NTRK2: variants seen among roughly 807,000 people sequenced by gnomAD.
The protein encoded by NTRK2 is BDNF/NT-3 growth factors receptor.
A neutral mutation model predicts 94.5 loss-of-function variants in NTRK2; 13 were observed. The observed-to-expected ratio is 0.14, with a 90% CI of 0.09 to 0.22. The LOEUF (loss-of-function observed/expected upper bound fraction) is 0.22, where lower values mean the gene tolerates loss of function less well. Among genes scored for constraint, NTRK2 ranks in the 10% least tolerant of loss-of-function variants. The pLI, the probability that NTRK2 is intolerant of heterozygous loss-of-function variation, is 1.00. For synonymous variants in NTRK2, 372 were observed against 407.4 expected, an observed-to-expected ratio of 0.91 and a Z score of 1.05; for missense variants, 639 against 1,071.2, an observed-to-expected ratio of 0.60 and a Z score of 5.63.
chr9:84,802,291 C>T (rs987886920), intron 12 of NTRK2, among the ~76,000 whole-genome samples: 2 of 152,106 alleles, frequency 1.3e-5, no homozygotes, highest in Admixed American at 1.3e-4. Flanking sequence ...GAAAAATAAA[C>T]TGCGAAATCT....
At chr9:84,959,328 A>G (rs1474905920) in intron 17 of NTRK2, among the ~76,000 whole-genome samples, 1 of 152,110 alleles carries the variant, frequency 6.6e-6, no homozygotes, top group Non-Finnish European at 1.5e-5. Context: ...GACCAGGGCT[A>G]TCTTATGTGG....
At chr9:84,936,574 C>T (rs1428821505) in intron 15 of NTRK2, among the ~76,000 whole-genome samples, 1 of 152,132 alleles carries the variant, frequency 6.6e-6, no homozygotes, top group African/African-American at 2.4e-5. Context: ...AGACCTAGGG[C>T]CTAGTCTTCA....
chr9:84,917,515 T>C (rs1160507084), intron 14 of NTRK2, among the ~76,000 whole-genome samples: 1 of 152,134 alleles, frequency 6.6e-6, no homozygotes, highest in Non-Finnish European at 1.5e-5. Flanking sequence ...ATCATGACAG[T>C]GATCGAGTTT....
chr9:84,883,333 T>C (rs1257377875), intron 14 of NTRK2, among the ~76,000 whole-genome samples: 3 of 152,192 alleles, frequency 2.0e-5, no homozygotes, highest in African/African-American at 4.8e-5. Context: ...TAAGTTTTTT[T>C]CCTAGCCTTC....
intron 4 of NTRK2, among the ~76,000 whole-genome samples, chr9:84,707,164 A>T (rs2061155277): frequency 6.6e-6 from 1 of 152,096 alleles, no homozygotes; most frequent in African/African-American, 2.4e-5. Context: ...TCAGTAAATT[A>T]TTATTTTTTT....
chr9:84,906,195 A>G (rs185933215), intron 14 of NTRK2, among the ~76,000 whole-genome samples: 58 of 152,282 alleles, frequency 3.8e-4, no homozygotes, highest in Admixed American at 3.7e-3. Context: ...GGAAAAAATA[A>G]GAGAAAACAC....
At chr9:84,978,039 T>G (rs1305303408) in intron 17 of NTRK2, among the ~76,000 whole-genome samples, 2 of 152,190 alleles carry the variant, frequency 1.3e-5, no homozygotes, top group Admixed American at 6.5e-5. Context: ...GCCATCTCTC[T>G]CCCTTTCCCT....
intron 14 of NTRK2, among the ~76,000 whole-genome samples, chr9:84,881,394 T>G (rs2076250559): frequency 6.6e-6 from 1 of 152,170 alleles, no homozygotes; most frequent in Non-Finnish European, 1.5e-5. Context: ...TCACCAGGAA[T>G]TCAGTGGCAG....
intron 17 of NTRK2, among the ~76,000 whole-genome samples, chr9:84,963,341 A>C (rs2133066618): frequency 6.6e-6 from 1 of 152,340 alleles, no homozygotes; most frequent in South Asian, 2.1e-4. Context: ...AAGGAAGCAA[A>C]TGGCTTTGGG....
At position 84,727,761 on chromosome 9, in the gene NTRK2, G is replaced by C; in HGVS notation, c.961G>C (p.Gly321Arg). ...PKPALQWFYN[G>R]AILNESKYIC... Reference sequence around the variant, plus strand: ...ACCAGCGCTTCAGTGGTTCTATAACGGGGCAATATTGAATGAGTCCAAATA... The same window carrying C: ...ACCAGCGCTTCAGTGGTTCTATAACCGGGCAATATTGAATGAGTCCAAATA... The change falls in exon 9 of 19, where the codon GGG becomes CGG. Residue 321 changes from glycine to arginine, a missense_variant. Transcript: ENST00000277120. The C allele has an allele frequency of 6.2e-7, 1 of 1,614,132 alleles. No individual in the cohort carries two copies. The highest frequency in any genetic ancestry group is 8.5e-7 in the Non-Finnish European group (1 of 1,180,028).
intron 14 of NTRK2, among the ~76,000 whole-genome samples, chr9:84,889,659 A>G (rs968544142): frequency 1.3e-5 from 2 of 152,026 alleles, no homozygotes; most frequent in East Asian, 3.9e-4. Flanking sequence ...ATGGTCAGCC[A>G]AACTTAGCCT....
rs561819501 is a variant in NTRK2, at chr9:84,863,781, C to T, written c.1444+2694C>T. Among the ~76,000 whole-genome samples the T allele has an allele frequency of 1.2e-3, 177 of 152,280 alleles. 1 individual carries two copies. The highest frequency in any genetic ancestry group is 2.2e-3 in the Non-Finnish European group (148 of 68,018). ...GAAAACAGCACTTGAATTAATATCCCCCTTGATGAATTGTTGAGGTTTATG... is the reference window on the plus strand; with the variant it reads ...GAAAACAGCACTTGAATTAATATCCTCCTTGATGAATTGTTGAGGTTTATG... On this transcript the variant is annotated intron_variant, in intron 13 of 18. Coordinates refer to ENST00000277120, the MANE Select transcript of NTRK2 (RefSeq NM_006180.6).
At position 84,985,600 on chromosome 9, in the gene NTRK2, G is replaced by A. The variant is rs117782630; in HGVS notation, c.2172+30083G>A. On this transcript the variant is annotated intron_variant, in intron 17 of 18. Transcript: ENST00000277120. ...TTGTGCTCATTGTTGGTATAAATACGGAAAATGTTATTGTGATAGCTTTCT... is the reference window on the plus strand; with the variant it reads ...TTGTGCTCATTGTTGGTATAAATACAGAAAATGTTATTGTGATAGCTTTCT... Among the ~76,000 whole-genome samples, 48 of 152,260 alleles carry A rather than the reference G, an allele frequency of 3.2e-4. No individual in the cohort carries two copies. In the East Asian group the frequency reaches 7.9e-3, roughly 25 times the overall value.
At chr9:84,685,377 T>C (rs2059647413) in intron 2 of NTRK2, among the ~76,000 whole-genome samples, 1 of 152,022 alleles carries the variant, frequency 6.6e-6, no homozygotes, top group Admixed American at 6.5e-5. Context: ...TTTTTTTTTT[T>C]TCTACTTGAA....
At chr9:84,977,626 C>T (rs993084628) in intron 17 of NTRK2, among the ~76,000 whole-genome samples, 3 of 152,170 alleles carry the variant, frequency 2.0e-5, no homozygotes, top group South Asian at 2.1e-4. Context: ...ATACAGAATT[C>T]GTGGATAATG....
chr9:84,763,781 A>T (rs747377934), intron 12 of NTRK2, among the ~76,000 whole-genome samples: 1 of 152,152 alleles, frequency 6.6e-6, no homozygotes, highest in African/African-American at 2.4e-5. Context: ...AATGCCTTTT[A>T]TAGTTACTTA....
chr9:84,787,180 C>T lies in NTRK2; in HGVS notation c.1396+35095C>T, dbSNP rs111531725. On this transcript the variant is annotated intron_variant, in intron 12 of 18. Transcript: ENST00000277120. ...AGGCGTGGTGGCAGGCACCTATAAT[C>T]CCAGCTACGTGGGAGGCTGAGGCAG... Among the ~76,000 whole-genome samples, 907 of 152,048 alleles carry T rather than the reference C, an allele frequency of 6.0e-3. 10 individuals are homozygous for T. The highest frequency in any genetic ancestry group is 9.9e-3 in the Non-Finnish European group (674 of 67,978).
chr9:84,857,226 A>G (rs1314884919), intron 12 of NTRK2, among the ~76,000 whole-genome samples: 1 of 152,118 alleles, frequency 6.6e-6, no homozygotes, highest in Admixed American at 6.6e-5. Flanking sequence ...AGCTTTCTTC[A>G]ACATGAGATG....
intron 17 of NTRK2, among the ~76,000 whole-genome samples, chr9:84,984,879 G>C (rs907425852): frequency 1.3e-5 from 2 of 152,208 alleles, no homozygotes. Flanking sequence ...ATCTTCAGCA[G>C]GTTGTTGTGG....
Sources: gnomAD v4.1 joint callset for allele counts (sites outside exome capture counted in the v4.1 genomes callset) on GRCh38, gnomAD v4.1.1 for gene constraint, MANE v1.5 for transcripts, NCBI Gene and HGNC (gene_info 2026-07-23, HGNC 2026-07-21) for gene names.